NDST4: variants seen among roughly 807,000 people sequenced by gnomAD.
The protein encoded by NDST4 is N-deacetylase and N-sulfotransferase 4, also known as N-heparan sulfate sulfotransferase 4.
In NDST4, 63 loss-of-function variants were observed where a neutral mutation model predicts 100.8. The observed-to-expected ratio is 0.62, with a 90% CI of 0.51 to 0.77. The LOEUF (loss-of-function observed/expected upper bound fraction) is 0.77, where lower values mean the gene tolerates loss of function less well. Among genes scored for constraint, NDST4 ranks in the 30% least tolerant of loss-of-function variants. The pLI is 0.00. For synonymous variants in NDST4, 377 were observed against 361.8 expected, an observed-to-expected ratio of 1.04 and a Z score of -0.48; for missense variants, 943 against 1,018.4, an observed-to-expected ratio of 0.93 and a Z score of 1.01.
At chr4:114,875,725 A>T (rs1160287223) in intron 6 of NDST4, among the ~76,000 whole-genome samples, 2 of 152,184 alleles carry the variant, frequency 1.3e-5, no homozygotes, top group Admixed American at 1.3e-4. Flanking sequence ...CCAAAATATA[A>T]GAAGAGAAGA....
chr4:115,000,027 C>A (rs76606769), intron 2 of NDST4, among the ~76,000 whole-genome samples: 4 of 151,776 alleles, frequency 2.6e-5, no homozygotes, highest in African/African-American at 9.7e-5. Context: ...TCAAAAGTCA[C>A]GAACAACTGT....
At chr4:114,946,061 C>G (rs1210170097) in intron 4 of NDST4, among the ~76,000 whole-genome samples, 1 of 152,176 alleles carries the variant, frequency 6.6e-6, no homozygotes, top group South Asian at 2.1e-4. Context: ...GAGACACATC[C>G]TTTTAATATT....
chr4:114,952,844 T>C (rs182948503), intron 4 of NDST4, among the ~76,000 whole-genome samples: 108 of 152,186 alleles, frequency 7.1e-4, no homozygotes, highest in African/African-American at 2.5e-3. Context: ...ACACCTCAAT[T>C]TTCCATGCTA....
At chr4:114,985,161 C>T (rs1416220269) in intron 2 of NDST4, among the ~76,000 whole-genome samples, 1 of 152,088 alleles carries the variant, frequency 6.6e-6, no homozygotes, top group Non-Finnish European at 1.5e-5. Context: ...TGTAGGGATC[C>T]TACTTCTGAA....
chr4:115,103,167 C>G (rs910113607), intron 1 of NDST4, among the ~76,000 whole-genome samples: 2 of 152,116 alleles, frequency 1.3e-5, no homozygotes, highest in African/African-American at 4.8e-5. Flanking sequence ...AAGAAAGTAT[C>G]TATGTGACAT....
intron 2 of NDST4, among the ~76,000 whole-genome samples, chr4:115,012,211 C>T (rs1727565168): frequency 6.6e-6 from 1 of 151,904 alleles, no homozygotes; most frequent in Admixed American, 6.6e-5. Flanking sequence ...ATTTTATAAC[C>T]TAGATATCAT....
chr4:114,839,254 C>A (rs1247156637), intron 11 of NDST4, 124 bp downstream of exon 11: 3 of 785,062 alleles, frequency 3.8e-6, no homozygotes, highest in Non-Finnish European at 5.6e-6. Flanking sequence ...TTCCCATTTT[C>A]TGCTTGTCAG....
At chr4:114,929,850 C>G (rs1179665943) in intron 6 of NDST4, among the ~76,000 whole-genome samples, 1 of 152,110 alleles carries the variant, frequency 6.6e-6, no homozygotes, top group Admixed American at 6.6e-5. Flanking sequence ...TAATCCATGT[C>G]TTTATTGACA....
intron 11 of NDST4, among the ~76,000 whole-genome samples, chr4:114,838,183 G>A (rs1005611686): frequency 6.6e-6 from 1 of 152,170 alleles, no homozygotes; most frequent in Non-Finnish European, 1.5e-5. Context: ...ACGCTGGAGA[G>A]AATGTGGAGA....
At chr4:115,071,143 TAA>T (rs918716554) in intron 2 of NDST4, among the ~76,000 whole-genome samples, 3 of 139,382 alleles carry the variant, frequency 2.2e-5, no homozygotes, top group Admixed American at 6.8e-5. Context: ...AATAAAAAAA[TAA>T]AAAATAAAAA....
At chr4:115,075,912 T>C in intron 2 of NDST4, 147 bp downstream of exon 2, 1 of 907,658 alleles carries the variant, frequency 1.1e-6, no homozygotes, top group Non-Finnish European at 1.6e-6. Context: ...GGTTAAGTCT[T>C]GGTTCAATAT....
chr4:114,921,859 C>T (rs1320694282), intron 6 of NDST4, among the ~76,000 whole-genome samples: 1 of 152,088 alleles, frequency 6.6e-6, no homozygotes, highest in Non-Finnish European at 1.5e-5. Context: ...TTCCCTGCTC[C>T]CCTTGACTCA....
intron 12 of NDST4, among the ~76,000 whole-genome samples, chr4:114,833,361 A>T (rs75902142): frequency 0.11 from 16,558 of 152,206 alleles, 951 homozygotes; most frequent in Middle Eastern, 0.15. Flanking sequence ...AATCAAACTG[A>T]TAACAGGGAA....
chr4:114,886,814 TCTC>T (rs1421596967), intron 6 of NDST4, among the ~76,000 whole-genome samples: 21 of 152,168 alleles, frequency 1.4e-4, no homozygotes, highest in African/African-American at 4.8e-4. Context: ...GGTCTCCTAA[TCTC>T]CTAGTCTGCT....
intron 6 of NDST4, among the ~76,000 whole-genome samples, chr4:114,893,620 C>T (rs777100256): frequency 1.3e-5 from 2 of 151,608 alleles, no homozygotes; most frequent in Non-Finnish European, 2.9e-5. Flanking sequence ...GTTTAAGTTC[C>T]TTGTAAATTC....
chr4:114,881,272 A>G (rs1578362325), intron 6 of NDST4, among the ~76,000 whole-genome samples: 1 of 152,062 alleles, frequency 6.6e-6, no homozygotes, highest in East Asian at 1.9e-4. Flanking sequence ...AACAGTGACA[A>G]TGGGAAAGGA....
At chr4:114,964,129 C>T (rs1237690385) in intron 4 of NDST4, among the ~76,000 whole-genome samples, 2 of 152,202 alleles carry the variant, frequency 1.3e-5, no homozygotes, top group African/African-American at 4.8e-5. Flanking sequence ...AAGCCAATTA[C>T]TGTGTTGTGA....
intron 2 of NDST4, among the ~76,000 whole-genome samples, chr4:115,034,790 A>C (rs950567915): frequency 6.6e-6 from 1 of 152,128 alleles, no homozygotes. Flanking sequence ...TGACCATGGC[A>C]GTAATAATAA....
At position 114,833,630 on chromosome 4, in the gene NDST4, C is replaced by T. The variant is rs146792647; in HGVS notation, c.2372G>A (p.Arg791His). 5.5e-5 allele frequency: 88 copies of T among 1,611,054 alleles called. No homozygotes were observed. The highest frequency in any genetic ancestry group is 1.7e-4 in the African/African-American group (13 of 74,954). Residue 791 changes from arginine to histidine, a missense_variant, in exon 12 of 14, where the codon CGT becomes CAT. Arg to His is a conservative substitution (Grantham distance 29, BLOSUM62 0). Around this residue, in one of 2 missense-constraint regions of NDST4, gnomAD observed 526 missense variants for 634.1 expected, o/e 0.83. Coordinates refer to ENST00000264363, the MANE Select transcript of NDST4 (RefSeq NM_022569.3). ...CGTTAGTGCTTCAGAGTAATTATAA[C>T]GAGGTGTAACTCCCAGAAACTTCTG... ...EVQKFLGVTP[R>H]YNYSEALTFD...
Sources: gnomAD v4.1 joint callset for allele counts (sites outside exome capture counted in the v4.1 genomes callset) on GRCh38, gnomAD v4.1.1 for gene constraint, gnomAD v4.1.1 regional missense constraint, MANE v1.5 for transcripts, NCBI Gene and HGNC (gene_info 2026-07-23, HGNC 2026-07-21) for gene names.